HIVEP1: variants seen among roughly 807,000 people sequenced by gnomAD.
The protein encoded by HIVEP1 is zinc finger protein 40.
A neutral mutation model predicts 180.0 loss-of-function variants in HIVEP1; 36 were observed. The ratio of observed to expected loss-of-function variants is 0.20; its 90% CI spans 0.15 to 0.26. The LOEUF is 0.26. Ranked by LOEUF, HIVEP1 falls within the 10% of genes least tolerant of loss-of-function variation. The probability of loss-of-function intolerance (pLI) is 1.00; values close to 1 mark genes in which losing one functional copy is unlikely to be tolerated. For synonymous variants in HIVEP1, 1,239 were observed against 1,239.0 expected, an observed-to-expected ratio of 1.00 and a Z score of 0.00; for missense variants, 3,143 against 3,268.7, an observed-to-expected ratio of 0.96 and a Z score of 0.94.
intron 2 of HIVEP1, among the ~76,000 whole-genome samples, chr6:12,046,181 C>A (rs1275508857): frequency 1.3e-5 from 2 of 152,128 alleles, no homozygotes; most frequent in East Asian, 1.9e-4. Context: ...ACTTTATGTT[C>A]AAAAAATAAT....
At position 12,146,164 on chromosome 6, in the gene HIVEP1, C is replaced by T. The variant is rs186638637; in HGVS notation, c.6487+10272C>T. ...AATTTTCGAATTAGATATAGTCGGC[C>T]GGGTGCAGTGGCTCACACCTGTAAT... On this transcript the variant is annotated intron_variant, in intron 7 of 8. Coordinates refer to ENST00000379388, the MANE Select transcript of HIVEP1 (RefSeq NM_002114.4). Among the ~76,000 whole-genome samples, 7 of 152,210 alleles carry T rather than the reference C, an allele frequency of 4.6e-5. No individual in the cohort carries two copies. The East Asian group carries it at 9.6e-4, about 21-fold the overall frequency.
Position 12,122,284 on chromosome 6 carries a change from C to T in HIVEP1, c.2489C>T (p.Ser830Leu). ...CAAGTGTTTCTTCTGTCTGTACCTT[C>T]ACTTGACTGTTTACCTATCACAAGA... The part of the protein sequence containing the change: ...SKQVFLLSVP[S>L]LDCLPITRSN... Residue 830 changes from serine to leucine, a missense_variant, in exon 4 of 9, where the codon TCA (serine) becomes TTA (leucine). Around this residue, in one of 12 missense-constraint regions of HIVEP1, gnomAD observed 204 missense variants for 243.7 expected, o/e 0.84. Coordinates refer to ENST00000379388, the MANE Select transcript of HIVEP1 (RefSeq NM_002114.4). 6.2e-7 allele frequency: 1 copy of T among 1,614,218 alleles called. No individual in the cohort carries two copies.
In HIVEP1 at chr6:12,119,943, C is replaced by T. The variant is rs543156273; in HGVS notation, c.148C>T (p.Arg50Cys). Residue 50 changes from arginine (R) to cysteine (C), a missense_variant, in exon 4 of 9, where the codon CGC becomes TGC. Transcript: ENST00000379388. Reference sequence around the variant, plus strand: ...TTCGGAATCCCTTAAAGGTGTGAAACGCAAAAAGATCGTAGCTGAGAATCA... The same window carrying T: ...TTCGGAATCCCTTAAAGGTGTGAAATGCAAAAAGATCGTAGCTGAGAATCA... ...GTSESLKGVKRKKIVAENHLK... is the reference protein window; with the variant it reads ...GTSESLKGVKCKKIVAENHLK... 3.7e-6 allele frequency: 6 copies of T among 1,600,058 alleles called. No homozygotes were observed. The highest frequency in any genetic ancestry group is 1.1e-5 in the South Asian group (1 of 88,086).
At chr6:12,073,157 G>T (rs1240350148) in intron 2 of HIVEP1, among the ~76,000 whole-genome samples, 3 of 152,166 alleles carry the variant, frequency 2.0e-5, no homozygotes, top group Non-Finnish European at 2.9e-5. Context: ...AGGCCTTTTA[G>T]AGTAGGTCTG....
intron 3 of HIVEP1, among the ~76,000 whole-genome samples, chr6:12,090,239 T>C (rs1773381999): frequency 6.6e-6 from 1 of 152,162 alleles, no homozygotes; most frequent in South Asian, 2.1e-4. Flanking sequence ...TTTATGACAT[T>C]TGTATTCCGT....
intron 3 of HIVEP1, among the ~76,000 whole-genome samples, chr6:12,111,401 A>C (rs1774880659): frequency 6.6e-6 from 1 of 152,228 alleles, no homozygotes; most frequent in African/African-American, 2.4e-5. Flanking sequence ...CACAGTACTT[A>C]CTGTCTTGTG....
intron 1 of HIVEP1, among the ~76,000 whole-genome samples, chr6:12,013,732 A>G (rs1358610505): frequency 2.0e-5 from 3 of 152,258 alleles, no homozygotes; most frequent in African/African-American, 7.2e-5. Flanking sequence ...CCTGAATTAG[A>G]TAGTGGATGT....
the HIVEP1 span, among the ~76,000 whole-genome samples, chr6:12,171,985 T>C: frequency 6.6e-6 from 1 of 152,160 alleles, no homozygotes; most frequent in African/African-American, 2.4e-5. Flanking sequence ...GAGCTCGGAC[T>C]CTGACAACTA....
chr6:12,115,590 T>C (rs1775166345), intron 3 of HIVEP1, among the ~76,000 whole-genome samples: 1 of 152,028 alleles, frequency 6.6e-6, no homozygotes, highest in Admixed American at 6.6e-5. Context: ...TGATTTTCAG[T>C]CATTACCGGT....
At chr6:12,106,651 T>C (rs1390115539) in intron 3 of HIVEP1, among the ~76,000 whole-genome samples, 1 of 152,186 alleles carries the variant, frequency 6.6e-6, no homozygotes, top group Non-Finnish European at 1.5e-5. Flanking sequence ...ACCATTTTAT[T>C]ATCAGGAAAT....
At chr6:12,085,299 A>C (rs1010022435) in intron 2 of HIVEP1, among the ~76,000 whole-genome samples, 1 of 152,016 alleles carries the variant, frequency 6.6e-6, no homozygotes, top group Non-Finnish European at 1.5e-5. Flanking sequence ...CCCACAGAGA[A>C]GGGACAGTGT....
At position 12,119,954 on chromosome 6, in the gene HIVEP1, C is replaced by T. The variant is rs267600783; in HGVS notation, c.159C>T (p.Ile53=). 179 of 1,607,430 alleles carry T rather than the reference C, an allele frequency of 1.1e-4. 1 individual carries two copies. Among genetic ancestry groups the T allele is most frequent in the South Asian group, 7.0e-4 (63 of 89,462 alleles). ...TTAAAGGTGTGAAACGCAAAAAGAT[C>T]GTAGCTGAGAATCACCTGAAAAAAA... ...ESLKGVKRKK[I]VAENHLKKIP... is the part of the protein sequence containing the mutation. The change falls in exon 4 of 9, where the codon ATC becomes ATT. Residue 53 remains isoleucine (I), a synonymous_variant. Coordinates refer to ENST00000379388, the MANE Select transcript of HIVEP1 (RefSeq NM_002114.4).
rs184932252 is a variant in HIVEP1 at position 12,144,850 on chromosome 6, T to A, written c.6487+8958T>A. Among the ~76,000 whole-genome samples the A allele has an allele frequency of 2.0e-5, 3 of 152,282 alleles. No homozygotes were observed. The East Asian group carries it at 5.8e-4, about 29-fold the overall frequency. On this transcript the variant is annotated intron_variant, in intron 7 of 8. Transcript: ENST00000379388. ...CATCTCACACCAGTTAGAATGGCGA[T>A]CATTAAAAAGTTGGAAGCAACAGAT...
intron 3 of HIVEP1, among the ~76,000 whole-genome samples, chr6:12,114,972 T>G (rs1360669203): frequency 6.6e-6 from 1 of 152,216 alleles, no homozygotes; most frequent in East Asian, 1.9e-4. Flanking sequence ...CCAAAAGAGA[T>G]CTGAAGTTTT....
At chr6:12,167,640 CATATACATATAT>C (rs1562023603), downstream of HIVEP1, among the ~76,000 whole-genome samples, 66 of 95,742 alleles carry the variant, frequency 6.9e-4, no homozygotes, top group African/African-American at 2.4e-3. Flanking sequence ...GTTATATATA[CATATACATATAT>C]ATGTTATATA....
intron 2 of HIVEP1, among the ~76,000 whole-genome samples, chr6:12,050,820 T>C (rs1343279200): frequency 6.6e-6 from 1 of 151,312 alleles, no homozygotes; most frequent in Non-Finnish European, 1.5e-5. Context: ...TTGCTCCTAC[T>C]TTTGGGGGGT....
intron 2 of HIVEP1, among the ~76,000 whole-genome samples, chr6:12,069,065 T>G (rs1293777542): frequency 6.6e-6 from 1 of 152,232 alleles, no homozygotes; most frequent in African/African-American, 2.4e-5. Flanking sequence ...ATGGGATACA[T>G]TCTGAGAAAT....
At chr6:12,044,583 C>T (rs1224065705) in intron 2 of HIVEP1, among the ~76,000 whole-genome samples, 1 of 151,424 alleles carries the variant, frequency 6.6e-6, no homozygotes, top group Non-Finnish European at 1.5e-5. Flanking sequence ...AAAGCCAGTG[C>T]ACCTGTGTAC....
chr6:12,170,053 A>G, the HIVEP1 span, among the ~76,000 whole-genome samples: 4 of 152,034 alleles, frequency 2.6e-5, no homozygotes, highest in Non-Finnish European at 5.9e-5. Context: ...CCTGGGAGGC[A>G]GAGCTTGCAG....
Sources: allele counts gnomAD v4.1 joint callset (sites outside exome capture counted in the v4.1 genomes callset), GRCh38; gene constraint gnomAD v4.1.1; regional missense constraint gnomAD v4.1.1; transcripts MANE v1.5; gene names NCBI Gene and HGNC (gene_info 2026-07-23, HGNC 2026-07-21).